NBEA: variants seen among roughly 807,000 people sequenced by gnomAD.
NBEA encodes lysosomal-trafficking regulator 2.
A neutral mutation model predicts 343.4 loss-of-function variants in NBEA; 44 were observed. The observed-to-expected ratio is 0.13, with a 90% CI of 0.10 to 0.16. NBEA has a LOEUF of 0.16. Among genes scored for constraint, NBEA ranks in the 10% least tolerant of loss-of-function variants. The pLI, the probability that NBEA is intolerant of heterozygous loss-of-function variation, is 1.00. For synonymous variants in NBEA, 1,175 were observed against 1,238.7 expected, an observed-to-expected ratio of 0.95 and a Z score of 1.08; for missense variants, 2,555 against 3,631.3, an observed-to-expected ratio of 0.70 and a Z score of 7.62.
chr13:35,407,109 G>A (rs2043310510), intron 38 of NBEA, among the ~76,000 whole-genome samples: 4 of 147,148 alleles, frequency 2.7e-5, no homozygotes, highest in African/African-American at 4.9e-5. Context: ...ACAGGCACCC[G>A]CCACCACACC....
chr13:35,247,310 A>T (rs1361743119), intron 34 of NBEA, among the ~76,000 whole-genome samples: 1 of 152,076 alleles, frequency 6.6e-6, no homozygotes, highest in Admixed American at 6.6e-5. Flanking sequence ...GAAACTTCAC[A>T]TTCATTTGGA....
At chr13:35,196,612 G>T (rs769101358) in intron 31 of NBEA, among the ~76,000 whole-genome samples, 1 of 151,916 alleles carries the variant, frequency 6.6e-6, no homozygotes, top group East Asian at 1.9e-4. Context: ...GGACTTAGTC[G>T]TTTCATGTAC....
At chr13:35,566,224 G>A (rs1350036147) in intron 44 of NBEA, among the ~76,000 whole-genome samples, 6 of 152,062 alleles carry the variant, frequency 3.9e-5, no homozygotes, top group Admixed American at 1.3e-4. Context: ...AGCCAGGTGC[G>A]GTGGCGCGTG....
At chr13:34,996,790 TTAATG>T (rs1281327299) in intron 1 of NBEA, among the ~76,000 whole-genome samples, 2 of 152,150 alleles carry the variant, frequency 1.3e-5, no homozygotes, top group Admixed American at 6.5e-5. Flanking sequence ...TATGTTTTGA[TTAATG>T]TATGTATTAT....
chr13:35,428,606 T>C (rs2044872750), intron 38 of NBEA, among the ~76,000 whole-genome samples: 1 of 152,208 alleles, frequency 6.6e-6, no homozygotes, highest in Non-Finnish European at 1.5e-5. Flanking sequence ...AGTTTCTATT[T>C]CTTTGCTAAG....
At chr13:35,082,796 T>C (rs2064492824) in intron 10 of NBEA, among the ~76,000 whole-genome samples, 1 of 152,182 alleles carries the variant, frequency 6.6e-6, no homozygotes, top group Admixed American at 6.5e-5. Context: ...TTGTTTGAGT[T>C]CATTGTAGAT....
At chr13:35,162,955 G>A (rs554409038) in intron 23 of NBEA, among the ~76,000 whole-genome samples, 1 of 152,130 alleles carries the variant, frequency 6.6e-6, no homozygotes, top group South Asian at 2.1e-4. Flanking sequence ...TACTTTCATT[G>A]CTAATTGTTA....
chr13:35,183,341 GA>G (rs2071445763), intron 29 of NBEA, among the ~76,000 whole-genome samples: 5 of 151,920 alleles, frequency 3.3e-5, no homozygotes, highest in Admixed American at 2.0e-4. Flanking sequence ...ATTTGTAGTT[GA>G]AATTTTCTTT....
At chr13:35,542,439 G>A (rs561903374) in intron 41 of NBEA, among the ~76,000 whole-genome samples, 2 of 152,178 alleles carry the variant, frequency 1.3e-5, no homozygotes, top group East Asian at 3.9e-4. Context: ...ACTTGGTTCT[G>A]TGATCAATCT....
intron 45 of NBEA, among the ~76,000 whole-genome samples, chr13:35,568,037 A>G (rs1436434875): frequency 6.6e-6 from 1 of 152,158 alleles, no homozygotes; most frequent in East Asian, 1.9e-4. Flanking sequence ...GAATAATAAT[A>G]CTGTCCCATG....
At chr13:35,199,197 T>C (rs753545183) in intron 31 of NBEA, among the ~76,000 whole-genome samples, 4 of 152,182 alleles carry the variant, frequency 2.6e-5, no homozygotes, top group Admixed American at 6.6e-5. Flanking sequence ...TCCAGGGTAT[T>C]GCTACCATTT....
intron 41 of NBEA, among the ~76,000 whole-genome samples, chr13:35,515,749 GTTT>G (rs35118232): frequency 6.7e-5 from 10 of 149,238 alleles, no homozygotes; most frequent in African/African-American, 4.9e-5. Context: ...GTAGTAACTG[GTTT>G]TTTTTTTTTA....
chr13:35,590,763 C>G (rs1431508470), intron 46 of NBEA, among the ~76,000 whole-genome samples: 1 of 152,094 alleles, frequency 6.6e-6, no homozygotes, highest in Non-Finnish European at 1.5e-5. Context: ...TGCCTTACAT[C>G]AGCATCCTGC....
At chr13:35,624,047 TGTGTGTGG>T (rs1213944415) in intron 48 of NBEA, among the ~76,000 whole-genome samples, 1 of 121,814 alleles carries the variant, frequency 8.2e-6, no homozygotes, top group African/African-American at 3.2e-5. Flanking sequence ...TATGCCTGTG[TGTGTGTGG>T]GTGTGTGTGT....
chr13:35,169,700 C>A (rs534736439), intron 25 of NBEA, among the ~76,000 whole-genome samples: 7 of 151,520 alleles, frequency 4.6e-5, no homozygotes, highest in Non-Finnish European at 1.0e-4. Flanking sequence ...ATTTGATAGA[C>A]CTAAGAAATG....
intron 1 of NBEA, among the ~76,000 whole-genome samples, chr13:34,955,253 A>G (rs951168579): frequency 6.6e-6 from 1 of 152,012 alleles, no homozygotes; most frequent in Admixed American, 6.6e-5. Flanking sequence ...ACTTAAAATG[A>G]TAGTTAAATA....
chr13:35,153,029 A>T (rs1593527515), intron 18 of NBEA, among the ~76,000 whole-genome samples: 2 of 143,676 alleles, frequency 1.4e-5, no homozygotes, highest in African/African-American at 5.1e-5. Flanking sequence ...TTAAACTTAC[A>T]TAGGTTCTTT....
intron 49 of NBEA, among the ~76,000 whole-genome samples, chr13:35,635,870 A>C (rs2083671289): frequency 6.6e-6 from 1 of 152,240 alleles, no homozygotes; most frequent in Admixed American, 6.5e-5. Flanking sequence ...TCAATCGTCC[A>C]CTAGAAAAGC....
At chr13:35,240,327 G>C (rs1175690561) in intron 34 of NBEA, among the ~76,000 whole-genome samples, 1 of 151,828 alleles carries the variant, frequency 6.6e-6, no homozygotes, top group Non-Finnish European at 1.5e-5. Flanking sequence ...ATAGTGGTGG[G>C]ATATGTGAGT....
Sources: gnomAD v4.1 joint callset for allele counts (sites outside exome capture counted in the v4.1 genomes callset) on GRCh38, gnomAD v4.1.1 for gene constraint, MANE v1.5 for transcripts, NCBI Gene and HGNC (gene_info 2026-07-23, HGNC 2026-07-21) for gene names.